Variants in CDH23 observed in about 807,000 individuals in gnomAD.
CDH23 encodes cadherin-23.
In CDH23, 189 loss-of-function variants were observed where a neutral mutation model predicts 317.1. The observed-to-expected ratio is 0.60, with a 90% CI of 0.53 to 0.67. The LOEUF (loss-of-function observed/expected upper bound fraction) is 0.67. Ranked by LOEUF, CDH23 falls within the 30% of genes least tolerant of loss-of-function variation. The pLI is 0.00. For synonymous variants in CDH23, 1,839 were observed against 1,876.8 expected (o/e 0.98, Z 0.52); for missense variants, 4,401 against 4,592.4 (o/e 0.96, Z 1.20).
intron 14 of CDH23, among the ~76,000 whole-genome samples, chr10:71,670,241 C>T (rs1237227388): frequency 6.6e-6 from 1 of 152,198 alleles, no homozygotes; most frequent in African/African-American, 2.4e-5. Context: ...TTGCTGCCCA[C>T]CATGGTGTCT....
chr10:71,464,030 A>T (rs1485471030), intron 3 of CDH23, among the ~76,000 whole-genome samples: 1 of 152,234 alleles, frequency 6.6e-6, no homozygotes, highest in Non-Finnish European at 1.5e-5. Flanking sequence ...AAGTACAATT[A>T]TCATTCCCAT....
intron 1 of CDH23, among the ~76,000 whole-genome samples, chr10:71,404,829 A>C (rs1848023305): frequency 6.6e-6 from 1 of 152,156 alleles, no homozygotes; most frequent in African/African-American, 2.4e-5. Flanking sequence ...GCGGTTAGCG[A>C]TATCACCTTC....
intron 66 of CDH23, 33 bp from the exon 67 acceptor site, chr10:71,812,447 T>TC: frequency 2.2e-6 from 2 of 901,068 alleles, no homozygotes; most frequent in Non-Finnish European, 3.4e-6. Flanking sequence ...GAGCCTTCCC[T>TC]CCCTCCCCAC....
chr10:71,662,390 C>T (rs1863713171), intron 14 of CDH23, among the ~76,000 whole-genome samples: 1 of 152,140 alleles, frequency 6.6e-6, no homozygotes, highest in African/African-American at 2.4e-5. Context: ...CACCCAGGTA[C>T]CTCTCTCCAC....
chr10:71,466,290 A>G (rs1851250167), intron 3 of CDH23, among the ~76,000 whole-genome samples: 1 of 152,048 alleles, frequency 6.6e-6, no homozygotes, highest in Non-Finnish European at 1.5e-5. Context: ...GAACGTGTAT[A>G]CCTGCCCATG....
At chr10:71,735,887 C>T (rs73275856) in intron 34 of CDH23, among the ~76,000 whole-genome samples, 5,130 of 152,306 alleles carry the variant, frequency 0.034, 293 homozygotes, top group African/African-American at 0.11. Context: ...GCAGAGCGCT[C>T]GGGCAGTGGG....
chr10:71,430,444 A>G (rs1178194433), intron 1 of CDH23, among the ~76,000 whole-genome samples: 1 of 152,186 alleles, frequency 6.6e-6, no homozygotes, highest in African/African-American at 2.4e-5. Flanking sequence ...TCCTGCTTCT[A>G]AATGCACCAC....
chr10:71,402,268 G>A (rs1377097271), intron 1 of CDH23, among the ~76,000 whole-genome samples: 1 of 152,214 alleles, frequency 6.6e-6, no homozygotes, highest in Non-Finnish European at 1.5e-5. Flanking sequence ...TGCTGAGAGT[G>A]ACACAGCAGG....
chr10:71,598,583 G>A (rs1424697610), intron 9 of CDH23, among the ~76,000 whole-genome samples: 1 of 152,198 alleles, frequency 6.6e-6, no homozygotes, highest in Non-Finnish European at 1.5e-5. Flanking sequence ...TGGGGAAGGA[G>A]GCAGGGCCAG....
At chr10:71,670,948 C>T (rs1408605233) in intron 14 of CDH23, among the ~76,000 whole-genome samples, 1 of 151,380 alleles carries the variant, frequency 6.6e-6, no homozygotes, top group Admixed American at 6.6e-5. Context: ...CACCTGGAGC[C>T]CTGATTTGGC....
chr10:71,602,147 C>T (rs16929120), intron 9 of CDH23, among the ~76,000 whole-genome samples: 4 of 149,670 alleles, frequency 2.7e-5, no homozygotes, highest in African/African-American at 7.3e-5. Context: ...ATAAATTACC[C>T]GGCTCAAGGT....
At chr10:71,743,048 G>A (rs899984061) in intron 38 of CDH23, among the ~76,000 whole-genome samples, 2 of 152,230 alleles carry the variant, frequency 1.3e-5, no homozygotes, top group South Asian at 2.1e-4. Context: ...GTCCAGAAGA[G>A]ACAGCAGAGG....
Position 71,729,874 on chromosome 10 carries a change from G to T in CDH23, c.3580-595G>T, listed in dbSNP as rs188587829. Among the ~76,000 whole-genome samples the T allele has an allele frequency of 5.7e-4, 86 of 150,528 alleles. 2 individuals carry two copies. The highest frequency in any genetic ancestry group is 4.6e-3 in the Admixed American group (69 of 15,108). On this transcript the variant is annotated intron_variant, in intron 30 of 69. Transcript: ENST00000224721. ...TTTTGAGATGGAGTCTCGCTCTGTT[G>T]CCCAGGCTGGAGTGCAGTGGCGCGA...
chr10:71,797,666 A>G (rs1841438247), intron 49 of CDH23, among the ~76,000 whole-genome samples: 1 of 152,234 alleles, frequency 6.6e-6, no homozygotes, highest in Admixed American at 6.5e-5. Flanking sequence ...ACCTGAGGCC[A>G]CAGACACTGC....
At chr10:71,596,801 A>G (rs1169592931) in intron 9 of CDH23, among the ~76,000 whole-genome samples, 1 of 152,146 alleles carries the variant, frequency 6.6e-6, no homozygotes, top group African/African-American at 2.4e-5. Flanking sequence ...AGGGGGGAGC[A>G]CGTAGGATCT....
At chr10:71,745,455 G>A (rs935141346) in intron 38 of CDH23, among the ~76,000 whole-genome samples, 5 of 152,138 alleles carry the variant, frequency 3.3e-5, no homozygotes, top group Admixed American at 6.5e-5. Context: ...ATATCCTCCC[G>A]GGACAGTGTA....
rs766731235 is a variant in CDH23 at position 71,799,280 on chromosome 10, G to A, written c.7224G>A (p.Gln2408=). 4 of 1,613,920 alleles carry A rather than the reference G, an allele frequency of 2.5e-6. No homozygotes were observed. The highest frequency in any genetic ancestry group is 2.2e-5 in the South Asian group (2 of 91,092). ...CCATCTTTGACCAGCCCTCCTACCA[G>A]GTGGGTGGCCAGGCCACAGGCTGGG... ...NNPIFDQPSY[Q]EAVFEDVPVG... Residue 2408 remains glutamine (Q), a splice_region_variant and synonymous_variant, in exon 51 of 70, where the codon CAG becomes CAA. Coordinates refer to ENST00000224721, the MANE Select transcript of CDH23 (RefSeq NM_022124.6).
chr10:71,562,338 T>C (rs1857175566), intron 6 of CDH23, among the ~76,000 whole-genome samples: 1 of 152,156 alleles, frequency 6.6e-6, no homozygotes, highest in Non-Finnish European at 1.5e-5. Flanking sequence ...CAACCTGGAT[T>C]TGCACGTTAA....
intron 11 of CDH23, among the ~76,000 whole-genome samples, chr10:71,617,848 C>T (rs374620078): frequency 1.1e-4 from 16 of 152,066 alleles, no homozygotes; most frequent in East Asian, 1.9e-4. Context: ...AAAAATTAGC[C>T]GGGCGTGGTG....
Sources: allele counts gnomAD v4.1 joint callset (sites outside exome capture counted in the v4.1 genomes callset), GRCh38; gene constraint gnomAD v4.1.1; transcripts MANE v1.5; gene names NCBI Gene and HGNC (gene_info 2026-07-23, HGNC 2026-07-21).